The following MDGA2 variants were observed in gnomAD, a reference collection of about 807,000 sequenced individuals.
The protein encoded by MDGA2 is MAM domain-containing glycosylphosphatidylinositol anchor protein 2.
MDGA2 carries 40 observed loss-of-function variants against 117.8 expected under a neutral mutation model. The observed-to-expected ratio is 0.34, with a 90% CI of 0.26 to 0.44. The LOEUF is 0.44. MDGA2 is among the 20% of genes least tolerant of loss of function. The pLI is 1.00. For missense variants in MDGA2, 1,123 were observed against 1,250.6 expected (o/e 0.90, Z 1.54); for synonymous variants, 452 against 439.0 (o/e 1.03, Z -0.37).
intron 1 of MDGA2, among the ~76,000 whole-genome samples, chr14:47,591,043 C>T (rs1049841612): frequency 3.9e-5 from 6 of 152,024 alleles, no homozygotes; most frequent in Admixed American, 2.0e-4. Context: ...CAGGACAGGA[C>T]ATTTCACCTT....
chr14:47,044,636 C>T (rs1889192277), intron 7 of MDGA2, among the ~76,000 whole-genome samples: 1 of 151,946 alleles, frequency 6.6e-6, no homozygotes, highest in Non-Finnish European at 1.5e-5. Context: ...TAAAAACTGC[C>T]TTTTTTCACA....
At chr14:46,900,670 T>G (rs753935245) in intron 10 of MDGA2, among the ~76,000 whole-genome samples, 44 of 152,210 alleles carry the variant, frequency 2.9e-4, no homozygotes, top group South Asian at 4.1e-4. Flanking sequence ...ATTATAGGGA[T>G]GAGGAGGAAA....
intron 1 of MDGA2, among the ~76,000 whole-genome samples, chr14:47,603,121 TG>T (rs1463332940): frequency 1.3e-5 from 2 of 152,166 alleles, no homozygotes; most frequent in Admixed American, 1.3e-4. Flanking sequence ...CAATAAGAAT[TG>T]GGACCACAAC....
chr14:47,236,373 G>A (rs145524220), intron 2 of MDGA2, among the ~76,000 whole-genome samples: 4 of 151,934 alleles, frequency 2.6e-5, no homozygotes, highest in African/African-American at 9.7e-5. Flanking sequence ...CAAAGCTGAA[G>A]GATACACTTA....
At chr14:47,357,915 T>C (rs1009500350) in intron 1 of MDGA2, among the ~76,000 whole-genome samples, 10 of 152,188 alleles carry the variant, frequency 6.6e-5, no homozygotes, top group African/African-American at 2.4e-4. Flanking sequence ...TACAGACCAA[T>C]GACCTCCAGC....
chr14:47,159,201 T>C (rs1295852509), intron 3 of MDGA2, among the ~76,000 whole-genome samples: 1 of 152,160 alleles, frequency 6.6e-6, no homozygotes, highest in Non-Finnish European at 1.5e-5. Flanking sequence ...TGGGTGATAA[T>C]GATGTGTCAA....
intron 4 of MDGA2, among the ~76,000 whole-genome samples, chr14:47,140,786 A>C (rs1017029106): frequency 1.3e-5 from 2 of 152,182 alleles, no homozygotes; most frequent in Non-Finnish European, 2.9e-5. Context: ...AGGCAACTGA[A>C]ACAGAAATAG....
At chr14:47,603,540 A>C (rs1235027295) in intron 1 of MDGA2, among the ~76,000 whole-genome samples, 1 of 152,182 alleles carries the variant, frequency 6.6e-6, no homozygotes, top group Non-Finnish European at 1.5e-5. Flanking sequence ...ATTAGCAAAT[A>C]CTTTTATTTT....
In MDGA2 at chr14:47,270,932, A is replaced by G. The variant is rs149235615; in HGVS notation, c.420+30479T>C. Among the ~76,000 whole-genome samples, 15 of 152,316 alleles carry G rather than the reference A, an allele frequency of 9.8e-5. 1 individual carries two copies. Among genetic ancestry groups the G allele is most frequent in the Non-Finnish European group, 1.6e-4 (11 of 68,042 alleles). Reference sequence around the variant, plus strand: ...AACCGCAATCCTGCAGGGAAAATCTATACTTAGCAGGATTGAAGATGTCCC... The same window carrying G: ...AACCGCAATCCTGCAGGGAAAATCTGTACTTAGCAGGATTGAAGATGTCCC... On this transcript the variant is annotated intron_variant, in intron 2 of 16. Coordinates refer to ENST00000399232, the MANE Select transcript of MDGA2 (RefSeq NM_001113498.3).
intron 15 of MDGA2, among the ~76,000 whole-genome samples, chr14:46,852,825 A>G (rs762491434): frequency 3.3e-5 from 5 of 151,878 alleles, no homozygotes; most frequent in South Asian, 2.1e-4. Flanking sequence ...AAAATAATCA[A>G]ACTCTTCTGA....
At chr14:46,966,381 C>T (rs76923722) in intron 8 of MDGA2, among the ~76,000 whole-genome samples, 17,946 of 152,034 alleles carry the variant, frequency 0.12, 2,016 homozygotes, top group African/African-American at 0.27. Flanking sequence ...AAGAGGACTT[C>T]GAAAATCTTG....
intron 1 of MDGA2, among the ~76,000 whole-genome samples, chr14:47,387,436 G>C (rs375177855): frequency 3.9e-5 from 6 of 151,914 alleles, no homozygotes; most frequent in African/African-American, 1.5e-4. Flanking sequence ...CACCAAAACA[G>C]CTGGGTGTTT....
chr14:47,013,636 G>T (rs995825549), intron 8 of MDGA2, among the ~76,000 whole-genome samples: 1 of 151,342 alleles, frequency 6.6e-6, no homozygotes, highest in African/African-American at 2.4e-5. Flanking sequence ...TTCATCAGAA[G>T]ATCCACTACC....
intron 16 of MDGA2, among the ~76,000 whole-genome samples, chr14:46,842,379 T>C (rs1880651596): frequency 6.6e-6 from 1 of 151,510 alleles, no homozygotes; most frequent in African/African-American, 2.4e-5. Flanking sequence ...AAAAAGTAGA[T>C]TTTTTTTCAA....
intron 4 of MDGA2, 68 bp from the exon 5 acceptor site, chr14:47,131,914 A>G: frequency 3.3e-6 from 4 of 1,204,088 alleles, no homozygotes; most frequent in Non-Finnish European, 4.6e-6. Context: ...ATGAAACATC[A>G]CATCACATTA....
chr14:46,922,110 G>A (rs903171864), intron 9 of MDGA2, among the ~76,000 whole-genome samples: 2 of 151,914 alleles, frequency 1.3e-5, no homozygotes, highest in Non-Finnish European at 1.5e-5. Context: ...AGGCGGGGGG[G>A]CAAACAGAAT....
At chr14:47,592,946 A>C (rs992591252) in intron 1 of MDGA2, among the ~76,000 whole-genome samples, 1 of 152,174 alleles carries the variant, frequency 6.6e-6, no homozygotes, top group African/African-American at 2.4e-5. Context: ...TGGAGTGAAC[A>C]AACAATCTAT....
At chr14:47,386,040 G>C (rs977678932) in intron 1 of MDGA2, among the ~76,000 whole-genome samples, 1 of 152,178 alleles carries the variant, frequency 6.6e-6, no homozygotes, top group South Asian at 2.1e-4. Flanking sequence ...CAGCACTTTG[G>C]GGGGCTGAGG....
chr14:47,654,597 T>C (rs1402824939), intron 1 of MDGA2, among the ~76,000 whole-genome samples: 1 of 151,998 alleles, frequency 6.6e-6, no homozygotes, highest in African/African-American at 2.4e-5. Context: ...AGATGCTGGG[T>C]CACCAGAGAA....
Sources: allele counts gnomAD v4.1 joint callset (sites outside exome capture counted in the v4.1 genomes callset), GRCh38; gene constraint gnomAD v4.1.1; transcripts MANE v1.5; gene names NCBI Gene and HGNC (gene_info 2026-07-23, HGNC 2026-07-21).